Variants in GREM2 observed in about 807,000 individuals in gnomAD.
The protein encoded by GREM2 is gremlin-2.
In GREM2, 11 loss-of-function variants were observed where a neutral mutation model predicts 14.2. That is an observed-to-expected ratio of 0.78 (90% CI 0.49 to 1.28). GREM2 has a LOEUF of 1.28. GREM2 is among the 50% of genes most tolerant of loss of function. The probability of loss-of-function intolerance (pLI) is 0.00; values close to 1 mark genes in which losing one functional copy is unlikely to be tolerated. For missense variants in GREM2, 210 were observed against 218.5 expected (o/e 0.96, Z 0.24); for synonymous variants, 98 against 97.6 (o/e 1.00, Z -0.02).
intron 1 of GREM2, among the ~76,000 whole-genome samples, chr1:240,495,783 G>A (rs1310188575): frequency 6.6e-6 from 1 of 152,114 alleles, no homozygotes; most frequent in Admixed American, 6.6e-5. Context: ...CTGAGTCTTA[G>A]TCTAAGTCTA....
At chr1:240,547,499 CAAAAAA>C (rs200373636) in intron 1 of GREM2, among the ~76,000 whole-genome samples, 10 of 87,616 alleles carry the variant, frequency 1.1e-4, no homozygotes, top group African/African-American at 4.8e-4. Context: ...GACTCCATCT[CAAAAAA>C]AAAAAAAAAA....
At chr1:240,563,411 AAGTT>A (rs1679114220) in intron 1 of GREM2, among the ~76,000 whole-genome samples, 1 of 152,326 alleles carries the variant, frequency 6.6e-6, no homozygotes, top group African/African-American at 2.4e-5. Flanking sequence ...GGCAAGAAGT[AAGTT>A]AGCAAAAATT....
chr1:240,609,898 G>A (rs1202209798), intron 1 of GREM2, among the ~76,000 whole-genome samples: 3 of 151,928 alleles, frequency 2.0e-5, no homozygotes, highest in Non-Finnish European at 2.9e-5. Flanking sequence ...CTTATAACTC[G>A]AGGGTATGTA....
At chr1:240,556,795 A>T (rs1049792333) in intron 1 of GREM2, among the ~76,000 whole-genome samples, 1 of 152,208 alleles carries the variant, frequency 6.6e-6, no homozygotes, top group Non-Finnish European at 1.5e-5. Context: ...CTAAAAACAA[A>T]ATGACAAAAA....
chr1:240,496,220 T>C (rs1677411041), intron 1 of GREM2, among the ~76,000 whole-genome samples: 2 of 152,112 alleles, frequency 1.3e-5, no homozygotes, highest in Admixed American at 1.3e-4. Context: ...TACAGGCCAC[T>C]GGGCCAGGCT....
rs1383610765 is a variant in GREM2 at position 240,543,774 on chromosome 1, T to G, written c.-1-50298A>C. On this transcript the variant is annotated intron_variant, in intron 1 of 1. Transcript: ENST00000318160. The surrounding 1 kb of genome is among the most constrained non-coding windows in gnomAD (Gnocchi z 6.4). ...ATAGAAATTACTAAGTAATTATATT[T>G]CAAAAGGGATTGATATACAGGCCTA... 3.9e-5 allele frequency among the ~76,000 whole-genome samples: 6 copies of G among 152,216 alleles called. No homozygotes were observed. Among genetic ancestry groups the G allele is most frequent in the African/African-American group, 1.4e-4 (6 of 41,464 alleles).
At chr1:240,594,413 T>C (rs1329670984) in intron 1 of GREM2, among the ~76,000 whole-genome samples, 2 of 152,200 alleles carry the variant, frequency 1.3e-5, no homozygotes, top group Non-Finnish European at 2.9e-5. Flanking sequence ...TGGTTCATTC[T>C]TTATTTGCTC....
At chr1:240,551,928 G>C (rs1678861977) in intron 1 of GREM2, among the ~76,000 whole-genome samples, 1 of 152,162 alleles carries the variant, frequency 6.6e-6, no homozygotes, top group Non-Finnish European at 1.5e-5. Flanking sequence ...TAGAAAGGGA[G>C]TGTAAATTCT....
intron 1 of GREM2, among the ~76,000 whole-genome samples, chr1:240,594,198 C>T (rs1441305424): frequency 6.6e-6 from 1 of 152,080 alleles, no homozygotes; most frequent in African/African-American, 2.4e-5. Flanking sequence ...AAGTGATCCT[C>T]CTGCCTTGGC....
At chr1:240,588,622 A>G (rs1363448937) in intron 1 of GREM2, 2 of 152,210 alleles carry the variant, frequency 1.3e-5, no homozygotes, top group African/African-American at 4.8e-5. Context: ...GTGCAAGGTC[A>G]CGCAGCTAAT....
At chr1:240,592,365 T>C (rs921425012) in intron 1 of GREM2, among the ~76,000 whole-genome samples, 1 of 152,126 alleles carries the variant, frequency 6.6e-6, no homozygotes, top group Admixed American at 6.6e-5. Flanking sequence ...TTTGGGTAAT[T>C]TGGGGAAATA....
At position 240,612,133 on chromosome 1, in the gene GREM2, AAGG is replaced by A. The variant is rs1285584546; in HGVS notation, c.-254_-252del. ...AGGCTGGCTGCTCCTGCAGATGTGA[AAGG>A]AGCCCGGAGACTTAGCTCTGAATCC... On this transcript the variant is annotated 5_prime_UTR_variant, in exon 1 of 2. Transcript: ENST00000318160. The A allele has an allele frequency of 2.0e-5, 3 of 152,518 alleles. No homozygotes were observed. Among genetic ancestry groups the A allele is most frequent in the African/African-American group, 7.2e-5 (3 of 41,462 alleles). The allele number at this position is 152,518 out of a possible 1,614,324, so 9.4% of individuals were successfully genotyped here.
At chr1:240,528,018 G>T (rs1031642503) in intron 1 of GREM2, among the ~76,000 whole-genome samples, 2 of 152,102 alleles carry the variant, frequency 1.3e-5, no homozygotes, top group South Asian at 2.1e-4. Context: ...GAAAATTTGG[G>T]TTAAAAAACA....
At chr1:240,609,375 C>T (rs1680089585) in intron 1 of GREM2, among the ~76,000 whole-genome samples, 1 of 151,974 alleles carries the variant, frequency 6.6e-6, no homozygotes, top group African/African-American at 2.4e-5. Flanking sequence ...AGTCTGAGGA[C>T]CACATTTTAG....
chr1:240,526,871 T>G (rs1678234804), intron 1 of GREM2, among the ~76,000 whole-genome samples: 1 of 152,208 alleles, frequency 6.6e-6, no homozygotes, highest in Admixed American at 6.5e-5. Flanking sequence ...TTTCTGAGCA[T>G]ATGAAGAGAT....
chr1:240,528,882 C>G (rs1678286344), intron 1 of GREM2, among the ~76,000 whole-genome samples: 1 of 152,180 alleles, frequency 6.6e-6, no homozygotes, highest in Admixed American at 6.5e-5. Context: ...ACTCGCTTAA[C>G]CTGAGTGGTT....
In GREM2 at chr1:240,491,193, C is replaced by T. The variant is rs1467786609; in HGVS notation, c.*1776G>A. On this transcript the variant is annotated 3_prime_UTR_variant, in exon 2 of 2. Transcript: ENST00000318160. ...ATAGATTCACCAACCCACCCCACCC[C>T]AATCCTTGCTCTTCAAGTGAATGTC... The T allele has an allele frequency of 6.6e-6, 1 of 152,292 alleles. No individual in the cohort carries two copies. Among genetic ancestry groups the T allele is most frequent in the Non-Finnish European group, 1.5e-5 (1 of 68,082 alleles). The allele number at this position is 152,292 out of a possible 1,614,324, so 9.4% of individuals were successfully genotyped here.
chr1:240,600,112 G>A (rs1232717422), intron 1 of GREM2, among the ~76,000 whole-genome samples: 3 of 152,182 alleles, frequency 2.0e-5, no homozygotes, highest in East Asian at 1.9e-4. Flanking sequence ...GTAGAAAGAA[G>A]GGTAGACTGG....
chr1:240,536,330 A>C (rs1678467926), intron 1 of GREM2, among the ~76,000 whole-genome samples: 1 of 152,192 alleles, frequency 6.6e-6, no homozygotes, highest in Admixed American at 6.5e-5. Context: ...TGATAATTAA[A>C]TGGGAAGAAA....
Sources: gnomAD v4.1 joint callset for allele counts (sites outside exome capture counted in the v4.1 genomes callset) on GRCh38, gnomAD v4.1.1 for gene constraint, Gnocchi (gnomAD v3.1) non-coding constraint, MANE v1.5 for transcripts, NCBI Gene and HGNC (gene_info 2026-07-23, HGNC 2026-07-21) for gene names.